KDM4C: variants seen among roughly 807,000 people sequenced by gnomAD.
The protein encoded by KDM4C is lysine demethylase 4C.
In KDM4C, 81 loss-of-function variants were observed where a neutral mutation model predicts 129.3. The ratio of observed to expected loss-of-function variants is 0.63; its 90% CI spans 0.52 to 0.75. KDM4C has a LOEUF of 0.75. Among genes scored for constraint, KDM4C ranks in the 30% least tolerant of loss-of-function variants. The pLI is 0.00. For synonymous variants in KDM4C, 573 were observed against 456.1 expected, an observed-to-expected ratio of 1.26 and a Z score of -3.26; for missense variants, 1,457 against 1,304.0, an observed-to-expected ratio of 1.12 and a Z score of -1.81.
In KDM4C at chr9:7,148,307, C is replaced by G. The variant is rs1369065666; in HGVS notation, c.2782-16931C>G. 2.6e-5 allele frequency among the ~76,000 whole-genome samples: 4 copies of G among 152,294 alleles called. No homozygotes were observed. In the South Asian group the frequency reaches 8.3e-4, roughly 32 times the overall value. On this transcript the variant is annotated intron_variant, in intron 19 of 21. Coordinates refer to ENST00000381309, the MANE Select transcript of KDM4C (RefSeq NM_015061.6). The stretch of plus-strand genomic sequence containing the variant: ...AGAAGAGCTGCAGCTTTTCTCTCCT[C>G]CTTGCCCACAGTGCGGTGAGCCGGG...
chr9:6,982,936 G>C (rs1817021187), intron 9 of KDM4C, among the ~76,000 whole-genome samples: 1 of 152,200 alleles, frequency 6.6e-6, no homozygotes, highest in African/African-American at 2.4e-5. Context: ...TTGATATTTA[G>C]AGATTATTGA....
intron 8 of KDM4C, among the ~76,000 whole-genome samples, chr9:6,909,923 A>C (rs2131068104): frequency 6.6e-6 from 1 of 152,326 alleles, no homozygotes; most frequent in South Asian, 2.1e-4. Context: ...TTTCACGTAT[A>C]TCTTTGAAAA....
chr9:6,888,054 C>G lies in KDM4C; in HGVS notation c.774C>G (p.Pro258=), dbSNP rs752496064. 1 of 1,549,098 alleles carries G rather than the reference C, an allele frequency of 6.5e-7. No individual in the cohort carries two copies. Among genetic ancestry groups the G allele is most frequent in the South Asian group, 1.1e-5 (1 of 88,374 alleles). Residue 258 remains proline, a synonymous_variant, in exon 7 of 22, where the codon CCC becomes CCG. Transcript: ENST00000381309. ...CAGTATTGAAGAAATATGGTATTCC[C>G]TTTGACAAGGTATGTTAGTATTCAT... ...SPSVLKKYGI[P]FDKITQEAGE...
At chr9:6,754,347 G>A (rs554705479), upstream of KDM4C, among the ~76,000 whole-genome samples, 4 of 151,726 alleles carry the variant, frequency 2.6e-5, 1 homozygote, top group South Asian at 8.3e-4. Context: ...CGAGTAGCTG[G>A]GATTACAGGC....
intron 4 of KDM4C, among the ~76,000 whole-genome samples, chr9:6,822,226 G>A (rs539317670): frequency 2.0e-4 from 31 of 152,248 alleles, no homozygotes; most frequent in East Asian, 5.8e-4. Context: ...GTGCACTACC[G>A]TGGCAGAGGT....
chr9:7,027,236 GCTTTC>G, intron 15 of KDM4C, among the ~76,000 whole-genome samples: 1 of 152,180 alleles, frequency 6.6e-6, no homozygotes, highest in Non-Finnish European at 1.5e-5. Context: ...CCTTGGGAAG[GCTTTC>G]CAGGTATTTG....
chr9:6,820,834 C>T (rs4474079), intron 4 of KDM4C, among the ~76,000 whole-genome samples: 79,921 of 147,474 alleles, frequency 0.54, 22,023 homozygotes, highest in African/African-American at 0.62. Context: ...ACTCATCATT[C>T]ACAGTAGATA....
intron 8 of KDM4C, among the ~76,000 whole-genome samples, chr9:6,917,565 A>C (rs1820547126): frequency 6.6e-6 from 1 of 152,198 alleles, no homozygotes; most frequent in African/African-American, 2.4e-5. Flanking sequence ...CCATGGCTGG[A>C]GATAAGCATG....
At chr9:7,059,485 A>G (rs1206233762) in intron 17 of KDM4C, among the ~76,000 whole-genome samples, 1 of 152,194 alleles carries the variant, frequency 6.6e-6, no homozygotes, top group Non-Finnish European at 1.5e-5. Context: ...TGCCTGATAG[A>G]CTAGTGGATT....
chr9:6,885,100 C>G (rs901697005), intron 6 of KDM4C, among the ~76,000 whole-genome samples: 2 of 152,112 alleles, frequency 1.3e-5, no homozygotes, highest in African/African-American at 4.8e-5. Flanking sequence ...AATTAATAAA[C>G]CACATGATAA....
chr9:6,938,777 AAG>A (rs1825283475), intron 8 of KDM4C, among the ~76,000 whole-genome samples: 1 of 152,174 alleles, frequency 6.6e-6, no homozygotes, highest in South Asian at 2.1e-4. Context: ...AATATTTGGA[AAG>A]AGAAGAGTCT....
intron 17 of KDM4C, among the ~76,000 whole-genome samples, chr9:7,078,696 C>G (rs1210626013): frequency 6.6e-6 from 1 of 152,160 alleles, no homozygotes; most frequent in Non-Finnish European, 1.5e-5. Context: ...TTCTAGAGGT[C>G]CCATAGCCAA....
intron 8 of KDM4C, among the ~76,000 whole-genome samples, chr9:6,917,475 T>A (rs1424023577): frequency 1.3e-5 from 2 of 152,226 alleles, no homozygotes; most frequent in Non-Finnish European, 2.9e-5. Flanking sequence ...TGCCTTTCTT[T>A]CACTTTGTTA....
intron 1 of KDM4C, chr9:6,734,510 T>C (rs1817458484): frequency 5.8e-6 from 1 of 172,008 alleles, no homozygotes; most frequent in African/African-American, 2.4e-5. Flanking sequence ...GCCAGGCTGG[T>C]CTCGAACTCC....
intron 12 of KDM4C, among the ~76,000 whole-genome samples, chr9:7,007,656 G>C (rs776963663): frequency 2.6e-5 from 4 of 152,192 alleles, no homozygotes; most frequent in Admixed American, 6.5e-5. Flanking sequence ...GTATATGGCA[G>C]TGGTTCTCAG....
intron 5 of KDM4C, among the ~76,000 whole-genome samples, chr9:6,874,383 T>A (rs1843259156): frequency 6.6e-6 from 1 of 152,236 alleles, no homozygotes; most frequent in Non-Finnish European, 1.5e-5. Flanking sequence ...CGGGTTTTTT[T>A]AAAGGGCTTT....
chr9:6,961,891 G>C (rs2131605818), intron 8 of KDM4C, among the ~76,000 whole-genome samples: 1 of 152,276 alleles, frequency 6.6e-6, no homozygotes, highest in African/African-American at 2.4e-5. Flanking sequence ...AGGATGTTGT[G>C]AATGCAGTTT....
Position 6,981,069 on chromosome 9 carries a change from G to A in KDM4C, c.1066G>A (p.Val356Ile). 7 of 1,613,520 alleles carry A rather than the reference G, an allele frequency of 4.3e-6. No homozygotes were observed. Among genetic ancestry groups the A allele is most frequent in the Non-Finnish European group, 5.1e-6 (6 of 1,179,676 alleles). Reference sequence around the variant, plus strand: ...GCCTACTCCAGCATCCACCCCTGAAGTAAAAGCATGGCTGCAGAGGAGGAG... The same window carrying A: ...GCCTACTCCAGCATCCACCCCTGAAATAAAAGCATGGCTGCAGAGGAGGAG... ...TKPTPASTPE[V>I]KAWLQRRRKV... The change falls in exon 9 of 22, where the codon GTA becomes ATA. Residue 356 changes from valine (V) to isoleucine (I), a missense_variant. By Grantham distance (29) the Val-to-Ile change is conservative. Coordinates refer to ENST00000381309, the MANE Select transcript of KDM4C (RefSeq NM_015061.6).
chr9:7,008,120 C>T (rs1196228177), intron 12 of KDM4C, among the ~76,000 whole-genome samples: 1 of 152,130 alleles, frequency 6.6e-6, no homozygotes, highest in East Asian at 1.9e-4. Flanking sequence ...CCCCTAATCC[C>T]AGGCGGTACA....
Sources: allele counts gnomAD v4.1 joint callset (sites outside exome capture counted in the v4.1 genomes callset), GRCh38; gene constraint gnomAD v4.1.1; transcripts MANE v1.5; gene names NCBI Gene and HGNC (gene_info 2026-07-23, HGNC 2026-07-21).